The following EXOC6B variants were observed in gnomAD, a reference collection of about 807,000 sequenced individuals.
EXOC6B encodes SEC15 homolog B.
Under a neutral mutation model 113.5 loss-of-function variants are expected in EXOC6B, and 54 were observed. The ratio of observed to expected loss-of-function variants is 0.48; its 90% CI spans 0.38 to 0.60. The LOEUF (loss-of-function observed/expected upper bound fraction) is 0.60, where lower values mean the gene tolerates loss of function less well. EXOC6B is among the 20% of genes least tolerant of loss of function. The pLI is 0.00. For missense variants in EXOC6B, 797 were observed against 977.5 expected, an observed-to-expected ratio of 0.82 and a Z score of 2.46; for synonymous variants, 357 against 339.0, an observed-to-expected ratio of 1.05 and a Z score of -0.58.
intron 18 of EXOC6B, among the ~76,000 whole-genome samples, chr2:72,420,650 G>T (rs866247759): frequency 4.6e-5 from 7 of 152,216 alleles, no homozygotes; most frequent in South Asian, 2.1e-4. Flanking sequence ...TGGACATTTG[G>T]GTTGGTTCCA....
chr2:72,343,046 G>A (rs1381683242), intron 19 of EXOC6B, among the ~76,000 whole-genome samples: 2 of 152,166 alleles, frequency 1.3e-5, no homozygotes, highest in African/African-American at 2.4e-5. Flanking sequence ...TAAGCCTAGT[G>A]TGGGGATCTT....
At chr2:72,388,190 A>C (rs1457559983) in intron 18 of EXOC6B, among the ~76,000 whole-genome samples, 1 of 152,196 alleles carries the variant, frequency 6.6e-6, no homozygotes, top group African/African-American at 2.4e-5. Flanking sequence ...AAGGTTAAGA[A>C]ACTTTGCTCC....
intron 6 of EXOC6B, among the ~76,000 whole-genome samples, chr2:72,666,068 C>A (rs1171603928): frequency 1.3e-5 from 2 of 151,994 alleles, no homozygotes; most frequent in Non-Finnish European, 2.9e-5. Context: ...CAGATGTAAA[C>A]CAACAACAAG....
At chr2:72,503,704 A>G (rs1453171870) in intron 11 of EXOC6B, among the ~76,000 whole-genome samples, 4 of 152,138 alleles carry the variant, frequency 2.6e-5, no homozygotes, top group South Asian at 2.1e-4. Context: ...ATTTGGAAAA[A>G]TTCCTAGGCA....
chr2:72,625,407 C>G lies in EXOC6B; in HGVS notation c.670-49739G>C, dbSNP rs551720056. ...TACATAGTTAAACACATGTCCAGAA[C>G]CCTCAAAACAGCTCTGCTACTTTCA... On this transcript the variant is annotated intron_variant, in intron 6 of 21. Transcript: ENST00000272427. Among the ~76,000 whole-genome samples the G allele has an allele frequency of 3.9e-5, 6 of 152,090 alleles. No homozygotes were observed. The South Asian group carries it at 6.2e-4, about 16-fold the overall frequency.
At chr2:72,812,459 C>T (rs969544845) in intron 1 of EXOC6B, among the ~76,000 whole-genome samples, 1 of 152,188 alleles carries the variant, frequency 6.6e-6, no homozygotes, top group African/African-American at 2.4e-5. Context: ...CTCAAACTGA[C>T]ATTTAGATTT....
intron 18 of EXOC6B, among the ~76,000 whole-genome samples, chr2:72,445,717 C>G (rs960167984): frequency 6.6e-6 from 1 of 152,140 alleles, no homozygotes; most frequent in Non-Finnish European, 1.5e-5. Context: ...AAAGACCTGT[C>G]CCCATGTTCC....
chr2:72,595,295 CTA>C (rs1275719241), intron 6 of EXOC6B, among the ~76,000 whole-genome samples: 2 of 142,548 alleles, frequency 1.4e-5, no homozygotes, highest in African/African-American at 2.6e-5. Context: ...ATATATATAT[CTA>C]TATATATATA....
intron 6 of EXOC6B, among the ~76,000 whole-genome samples, chr2:72,588,237 G>A (rs569434140): frequency 2.6e-5 from 4 of 152,142 alleles, no homozygotes; most frequent in Non-Finnish European, 4.4e-5. Context: ...GCACATGTCC[G>A]TTGCAGCATT....
chr2:72,210,015 T>A (rs72910330), intron 20 of EXOC6B, among the ~76,000 whole-genome samples: 11,364 of 152,192 alleles, frequency 0.075, 600 homozygotes, highest in African/African-American at 0.15. Context: ...GCATAATTTT[T>A]AAAAAAGAAT....
intron 6 of EXOC6B, among the ~76,000 whole-genome samples, chr2:72,701,341 C>CA (rs34639104): frequency 0.061 from 3,461 of 56,888 alleles, 100 homozygotes; most frequent in African/African-American, 0.12. Flanking sequence ...ACTCCATCTT[C>CA]AAAAAAAAAA....
intron 18 of EXOC6B, among the ~76,000 whole-genome samples, chr2:72,434,839 A>G (rs772469968): frequency 2.0e-5 from 3 of 151,944 alleles, no homozygotes; most frequent in Non-Finnish European, 4.4e-5. Flanking sequence ...TATTTTGTTA[A>G]TCTTTTCAAA....
At chr2:72,711,931 T>C (rs1679298299) in intron 6 of EXOC6B, among the ~76,000 whole-genome samples, 1 of 152,180 alleles carries the variant, frequency 6.6e-6, no homozygotes, top group Admixed American at 6.5e-5. Flanking sequence ...GAATTTTCCA[T>C]TTAATATTTT....
At position 72,814,569 on chromosome 2, in the gene EXOC6B, T is replaced by C. The variant is rs1686112321; in HGVS notation, c.113+11229A>G. 2.6e-5 allele frequency among the ~76,000 whole-genome samples: 4 copies of C among 152,364 alleles called. No individual in the cohort carries two copies. In the South Asian group the frequency reaches 8.3e-4, roughly 32 times the overall value. On this transcript the variant is annotated intron_variant, in intron 1 of 21. Coordinates refer to ENST00000272427, the MANE Select transcript of EXOC6B (RefSeq NM_015189.3). ...TTGTGATGGTTCTTGCTCCCTTAAA[T>C]GTTTCACTGCGTAATGTATATTTTA... is the stretch of plus-strand genomic sequence containing the variant.
At chr2:72,282,890 C>T (rs1685215620) in intron 20 of EXOC6B, among the ~76,000 whole-genome samples, 1 of 152,002 alleles carries the variant, frequency 6.6e-6, no homozygotes, top group Non-Finnish European at 1.5e-5. Context: ...CACCTAGTAA[C>T]ATAGCATTAA....
intron 8 of EXOC6B, among the ~76,000 whole-genome samples, chr2:72,544,447 C>G (rs1018535056): frequency 6.6e-6 from 1 of 152,020 alleles, no homozygotes; most frequent in Admixed American, 6.6e-5. Flanking sequence ...TACAAAGCAG[C>G]TTTTCTTTAG....
At chr2:72,269,871 A>T (rs1450268611) in intron 20 of EXOC6B, among the ~76,000 whole-genome samples, 1 of 152,196 alleles carries the variant, frequency 6.6e-6, no homozygotes, top group African/African-American at 2.4e-5. Context: ...AGAAAAAAAT[A>T]AAAGGGTTGA....
chr2:72,523,235 A>C (rs1158595658), intron 8 of EXOC6B, among the ~76,000 whole-genome samples: 1 of 152,186 alleles, frequency 6.6e-6, no homozygotes, highest in African/African-American at 2.4e-5. Context: ...CATTCTTGGG[A>C]GAGAAAGAAA....
chr2:72,444,445 C>T (rs1696438285), intron 18 of EXOC6B, among the ~76,000 whole-genome samples: 1 of 152,214 alleles, frequency 6.6e-6, no homozygotes, highest in Non-Finnish European at 1.5e-5. Context: ...CTCACAGCTC[C>T]ACTAGGTGAT....
Sources: gnomAD v4.1 joint callset for allele counts (sites outside exome capture counted in the v4.1 genomes callset) on GRCh38, gnomAD v4.1.1 for gene constraint, MANE v1.5 for transcripts, NCBI Gene and HGNC (gene_info 2026-07-23, HGNC 2026-07-21) for gene names.